Variants in PLCE1 observed in about 807,000 individuals in gnomAD.
PLCE1 encodes 1-phosphatidylinositol 4,5-bisphosphate phosphodiesterase epsilon-1.
A neutral mutation model predicts 242.8 loss-of-function variants in PLCE1; 119 were observed. That is an observed-to-expected ratio of 0.49 (90% CI 0.42 to 0.57). PLCE1 has a LOEUF of 0.57. Among genes scored for constraint, PLCE1 ranks in the 20% least tolerant of loss-of-function variants. The pLI is 0.00. For missense variants in PLCE1, 2,441 were observed against 2,788.8 expected, an observed-to-expected ratio of 0.88 and a Z score of 2.81; for synonymous variants, 945 against 1,017.4, an observed-to-expected ratio of 0.93 and a Z score of 1.35.
intron 7 of PLCE1, among the ~76,000 whole-genome samples, chr10:94,241,178 C>T (rs549392033): frequency 9.2e-5 from 14 of 152,246 alleles, no homozygotes; most frequent in African/African-American, 3.4e-4. Context: ...AAACTGACGC[C>T]AAGAAAGACA....
At chr10:94,043,476 C>T (rs554465062) in intron 2 of PLCE1, among the ~76,000 whole-genome samples, 5 of 152,096 alleles carry the variant, frequency 3.3e-5, no homozygotes, top group Admixed American at 6.6e-5. Flanking sequence ...AGCTTAGCTT[C>T]AGAAAGATTT....
chr10:94,195,648 T>C (rs977579038), intron 4 of PLCE1, among the ~76,000 whole-genome samples: 1 of 152,156 alleles, frequency 6.6e-6, no homozygotes, highest in Non-Finnish European at 1.5e-5. Context: ...AAGACTTCTT[T>C]CTTAGAAATC....
intron 16 of PLCE1, among the ~76,000 whole-genome samples, chr10:94,268,436 G>C (rs781225943): frequency 2.6e-5 from 4 of 152,202 alleles, no homozygotes; most frequent in Admixed American, 6.5e-5. Flanking sequence ...TCACAGCAAA[G>C]ATGTTTAATC....
chr10:94,061,274 A>T (rs1357766579), intron 2 of PLCE1, among the ~76,000 whole-genome samples: 1 of 152,084 alleles, frequency 6.6e-6, no homozygotes, highest in Non-Finnish European at 1.5e-5. Flanking sequence ...TGCAACTGAA[A>T]CTCTTCTATT....
At chr10:94,276,215 C>T (rs2051948932) in intron 19 of PLCE1, among the ~76,000 whole-genome samples, 1 of 152,174 alleles carries the variant, frequency 6.6e-6, no homozygotes, top group Non-Finnish European at 1.5e-5. Context: ...TGGTGCTCTC[C>T]TCTCTTGTAG....
At chr10:94,060,385 A>G (rs1018340171) in intron 2 of PLCE1, among the ~76,000 whole-genome samples, 2 of 152,178 alleles carry the variant, frequency 1.3e-5, no homozygotes, top group Non-Finnish European at 2.9e-5. Flanking sequence ...CCTACAACTG[A>G]TAGAACTGGT....
intron 14 of PLCE1, 80 bp downstream of exon 14, chr10:94,262,812 T>G: frequency 1.0e-6 from 1 of 988,074 alleles, no homozygotes; most frequent in Middle Eastern, 2.1e-4. Context: ...GTTTATTCTT[T>G]CTATACTTCT....
chr10:94,191,185 A>G (rs1046689967), intron 4 of PLCE1, among the ~76,000 whole-genome samples: 4 of 152,212 alleles, frequency 2.6e-5, no homozygotes, highest in African/African-American at 7.2e-5. Context: ...TTAACAGAGC[A>G]TTCAGAATGG....
At chr10:94,280,189 C>G (rs1236392404) in intron 20 of PLCE1, 1 of 467,606 alleles carries the variant, frequency 2.1e-6, no homozygotes, top group Non-Finnish European at 3.9e-6. Flanking sequence ...GCAGAGAAAC[C>G]CTGTTTTCAC....
intron 2 of PLCE1, among the ~76,000 whole-genome samples, chr10:94,069,001 A>G (rs2044277482): frequency 6.6e-6 from 1 of 152,228 alleles, no homozygotes; most frequent in South Asian, 2.1e-4. Flanking sequence ...GGGAGTATTC[A>G]ATAGATGAAT....
In PLCE1 at chr10:94,331,276, A is replaced by C. The variant is rs1459530232; in HGVS notation, c.*3333A>C. On this transcript the variant is annotated 3_prime_UTR_variant, in exon 33 of 33. Coordinates refer to ENST00000371380, the MANE Select transcript of PLCE1 (RefSeq NM_016341.4). The stretch of plus-strand genomic sequence containing the variant: ...CTCTGGAGACACTGGAAGCTCATTA[A>C]TGAAAGTGGGCCCTCTATGATATGT... 6.6e-6 allele frequency: 1 copy of C among 152,194 alleles called. No individual in the cohort carries two copies. The highest frequency in any genetic ancestry group is 1.5e-5 in the Non-Finnish European group (1 of 68,026). 9.4% of individuals were successfully genotyped at this position (152,194 alleles called of 1,614,324 possible).
chr10:94,030,177 T>C (rs1218968859), intron 1 of PLCE1, among the ~76,000 whole-genome samples: 1 of 152,216 alleles, frequency 6.6e-6, no homozygotes, highest in African/African-American at 2.4e-5. Context: ...AAAAGTCTGC[T>C]GTCATTCTTA....
At chr10:94,089,519 T>G in intron 2 of PLCE1, 1 of 565,062 alleles carries the variant, frequency 1.8e-6, no homozygotes, top group Admixed American at 3.8e-5. Flanking sequence ...TCAGAGAAGT[T>G]TCTTTCCTTG....
At chr10:94,327,787 C>T (rs954123006) in intron 32 of PLCE1, among the ~76,000 whole-genome samples, 181 bp from the exon 33 acceptor site, 1 of 152,134 alleles carries the variant, frequency 6.6e-6, no homozygotes, top group Non-Finnish European at 1.5e-5. Flanking sequence ...GCAGAAATAA[C>T]CTAATGTTCT....
At chr10:94,205,249 G>A (rs538543601) in intron 4 of PLCE1, among the ~76,000 whole-genome samples, 1 of 152,282 alleles carries the variant, frequency 6.6e-6, no homozygotes, top group East Asian at 1.9e-4. Flanking sequence ...TACCTGCAGA[G>A]AGGGCCAAGA....
Position 94,298,560 on chromosome 10 carries a change from G to T in PLCE1, c.5349G>T (p.Gln1783His). Residue 1783 changes from glutamine to histidine, a missense_variant, in exon 24 of 33, where the codon CAG becomes CAT. This residue lies in a region of PLCE1 where 1,004 missense variants were observed against 1,322.7 expected (regional missense o/e 0.76). Transcript: ENST00000371380. This position sits in a 1 kb window ranked among gnomAD's most constrained non-coding sequence, Gnocchi z 5.2. ...SQKLTQHTAC[Q>H]LLRTYPAATR... Reference sequence around the variant, plus strand: ...AACTGACCCAGCACACCGCCTGTCAGCTGCTGAGAACTTACCCTGCTGCCA... The same window carrying T: ...AACTGACCCAGCACACCGCCTGTCATCTGCTGAGAACTTACCCTGCTGCCA... 1 of 1,614,098 alleles carries T rather than the reference G, an allele frequency of 6.2e-7. No homozygotes were observed. Among genetic ancestry groups the T allele is most frequent in the Non-Finnish European group, 8.5e-7 (1 of 1,180,016 alleles).
chr10:94,279,937 T>C lies in PLCE1; in HGVS notation c.4795+26T>C, dbSNP rs1286776427. ...GTAAGAGAAACAGATCCCTATGCTG[T>C]GCACAGGAAAATTCTTGGATGATTT... On this transcript the variant is annotated intron_variant, in intron 20 of 32. Transcript: ENST00000371380. The C allele has an allele frequency of 3.1e-6, 5 of 1,611,742 alleles. No individual in the cohort carries two copies. The South Asian group carries it at 5.5e-5, about 18-fold the overall frequency.
At chr10:94,186,043 C>T (rs554558823) in intron 4 of PLCE1, among the ~76,000 whole-genome samples, 83 of 152,294 alleles carry the variant, frequency 5.4e-4, no homozygotes, top group African/African-American at 1.9e-3. Flanking sequence ...TTAAAACAGG[C>T]GGAATTCTTT....
At chr10:94,109,912 G>A (rs1310626120) in intron 2 of PLCE1, among the ~76,000 whole-genome samples, 1 of 151,310 alleles carries the variant, frequency 6.6e-6, no homozygotes, top group African/African-American at 2.4e-5. Flanking sequence ...TGAAGTTGCA[G>A]ATTTGTTGTA....
Sources: gnomAD v4.1 joint callset for allele counts (sites outside exome capture counted in the v4.1 genomes callset) on GRCh38, gnomAD v4.1.1 for gene constraint, gnomAD v4.1.1 regional missense constraint, Gnocchi (gnomAD v3.1) non-coding constraint, MANE v1.5 for transcripts, NCBI Gene and HGNC (gene_info 2026-07-23, HGNC 2026-07-21) for gene names.